Variants in SOX5 observed in about 807,000 individuals in gnomAD.
The protein encoded by SOX5 is SRY-box transcription factor 5, also known as transcription factor SOX-5.
Under a neutral mutation model 92.0 loss-of-function variants are expected in SOX5, and 9 were observed. That is an observed-to-expected ratio of 0.10 (90% confidence interval 0.06 to 0.17). The LOEUF (loss-of-function observed/expected upper bound fraction) is 0.17, where lower values mean the gene tolerates loss of function less well. Ranked by LOEUF, SOX5 falls within the 10% of genes least tolerant of loss-of-function variation. The probability of loss-of-function intolerance (pLI) is 1.00; values close to 1 mark genes in which losing one functional copy is unlikely to be tolerated. For synonymous variants in SOX5, 344 were observed against 336.3 expected (o/e 1.02, Z -0.25); for missense variants, 642 against 944.5 (o/e 0.68, Z 4.20).
chr12:23,962,865 A>G (rs2140036190), intron 4 of SOX5, among the ~76,000 whole-genome samples: 1 of 152,304 alleles, frequency 6.6e-6, no homozygotes, highest in East Asian at 1.9e-4. Context: ...ATCATTAGTG[A>G]CATTATGCCA....
Position 23,802,635 on chromosome 12 carries a change from CCTTAACCTTTATAT to C in SOX5, c.481+43334_481+43347del, listed in dbSNP as rs1224103065. Among the ~76,000 whole-genome samples the C allele has an allele frequency of 6.6e-5, 10 of 152,208 alleles. No individual in the cohort carries two copies. The East Asian group carries it at 1.9e-3, about 29-fold the overall frequency. ...TTGTGACACCCTCTAAAAAAATCTA[CCTTAACCTTTATAT>C]CTCCCCAGATATGATAGATGATATC... On this transcript the variant is annotated intron_variant, in intron 3 of 14. Transcript: ENST00000451604.
intron 1 of SOX5, among the ~76,000 whole-genome samples, chr12:23,918,934 AG>A (rs200205924): frequency 0.011 from 1,632 of 150,326 alleles, 24 homozygotes; most frequent in African/African-American, 0.035. Context: ...AGAAAAAAAA[AG>A]AAAGAAAGAA....
At chr12:24,507,080 G>A (rs57717856) in intron 1 of SOX5, among the ~76,000 whole-genome samples, 1,555 of 151,980 alleles carry the variant, frequency 0.01, 27 homozygotes, top group African/African-American at 0.035. Context: ...ATCAGCCACC[G>A]CGCCCGGCCC....
chr12:24,535,320 A>G (rs1951544816), intron 1 of SOX5, among the ~76,000 whole-genome samples: 1 of 152,234 alleles, frequency 6.6e-6, no homozygotes, highest in African/African-American at 2.4e-5. Flanking sequence ...GATGAAAAAC[A>G]ACCCTTCATA....
chr12:24,380,588 T>G (rs1357980277), intron 1 of SOX5, among the ~76,000 whole-genome samples: 1 of 152,194 alleles, frequency 6.6e-6, no homozygotes, highest in African/African-American at 2.4e-5. Flanking sequence ...AAAACAAGGA[T>G]TTTCAACCCA....
At chr12:24,164,433 A>C in intron 4 of SOX5, among the ~76,000 whole-genome samples, 1 of 152,072 alleles carries the variant, frequency 6.6e-6, no homozygotes, top group South Asian at 2.1e-4. Flanking sequence ...CTTTTGAAAC[A>C]AAAATAATCA....
At chr12:24,013,346 G>C (rs767302374) in intron 4 of SOX5, among the ~76,000 whole-genome samples, 1 of 152,056 alleles carries the variant, frequency 6.6e-6, no homozygotes, top group African/African-American at 2.4e-5. Flanking sequence ...ATAAAAAAGA[G>C]GTATTGAGAA....
intron 4 of SOX5, among the ~76,000 whole-genome samples, chr12:23,745,851 A>T (rs889623972): frequency 6.6e-6 from 1 of 152,184 alleles, no homozygotes; most frequent in Non-Finnish European, 1.5e-5. Context: ...CAGGAGAGGT[A>T]GCTGCAATAG....
At chr12:24,478,336 T>C (rs1276139889) in intron 1 of SOX5, among the ~76,000 whole-genome samples, 1 of 152,222 alleles carries the variant, frequency 6.6e-6, no homozygotes, top group Admixed American at 6.5e-5. Context: ...TGTTTGTACT[T>C]TTCTCATTTT....
At position 24,214,142 on chromosome 12, in the gene SOX5, C is replaced by T. The variant is rs183626335; in HGVS notation, c.-76-725G>A. On this transcript the variant is annotated intron_variant, in intron 3 of 4. Coordinates refer to the SOX5 transcript ENST00000446891. ...AAGCACTTAGCAAAGCACGGTGCTA[C>T]ATTGTACTAGGACACTAAGTTATAG... Among the ~76,000 whole-genome samples the T allele has an allele frequency of 3.3e-3, 507 of 152,066 alleles. 2 individuals carry two copies. The highest frequency in any genetic ancestry group is 6.1e-3 in the Non-Finnish European group (414 of 67,936).
At chr12:24,439,316 A>G (rs1171760855) in intron 1 of SOX5, among the ~76,000 whole-genome samples, 1 of 152,228 alleles carries the variant, frequency 6.6e-6, no homozygotes, top group East Asian at 1.9e-4. Context: ...CATCTGTGTG[A>G]CCTGATTGAT....
chr12:24,068,735 TATATATATATATACAC>T (rs1278759724), intron 4 of SOX5, among the ~76,000 whole-genome samples: 29 of 89,416 alleles, frequency 3.2e-4, no homozygotes, highest in African/African-American at 9.4e-4. Context: ...TATATATATA[TATATATATATATACAC>T]ACACACACAT....
At chr12:23,744,945 C>A (rs557077556) in intron 4 of SOX5, among the ~76,000 whole-genome samples, 9 of 152,144 alleles carry the variant, frequency 5.9e-5, no homozygotes, top group Non-Finnish European at 8.8e-5. Flanking sequence ...GTGTTCACAT[C>A]GTCTCGGTCT....
chr12:24,380,747 AG>A (rs1186631537), intron 1 of SOX5, among the ~76,000 whole-genome samples: 1 of 152,162 alleles, frequency 6.6e-6, no homozygotes. Flanking sequence ...TTTTTAAAGG[AG>A]GGCACAATGC....
intron 4 of SOX5, among the ~76,000 whole-genome samples, chr12:23,992,277 T>C (rs534931168): frequency 6.6e-6 from 1 of 152,242 alleles, no homozygotes; most frequent in East Asian, 1.9e-4. Flanking sequence ...TTTTTCTCCT[T>C]ATTTTCCTCA....
At chr12:24,153,977 G>A (rs948972154) in intron 4 of SOX5, among the ~76,000 whole-genome samples, 3 of 151,976 alleles carry the variant, frequency 2.0e-5, no homozygotes, top group Admixed American at 6.6e-5. Flanking sequence ...AAGTAAATTC[G>A]GAGCTTGAGA....
intron 1 of SOX5, among the ~76,000 whole-genome samples, chr12:24,530,076 A>T (rs913487313): frequency 6.6e-6 from 1 of 151,954 alleles, no homozygotes; most frequent in African/African-American, 2.4e-5. Context: ...AAGGTACCCA[A>T]CATATGAACA....
intron 3 of SOX5, among the ~76,000 whole-genome samples, chr12:23,775,923 T>C (rs2095083735): frequency 1.3e-5 from 2 of 152,168 alleles, no homozygotes; most frequent in South Asian, 4.1e-4. Flanking sequence ...ACCAGTTTCA[T>C]GCAAGGCAGT....
At chr12:24,082,608 A>C (rs1183791802) in intron 4 of SOX5, among the ~76,000 whole-genome samples, 1 of 151,748 alleles carries the variant, frequency 6.6e-6, no homozygotes, top group East Asian at 1.9e-4. Flanking sequence ...GAAATACCAT[A>C]TAAAATGGAA....
Sources: gnomAD v4.1 joint callset for allele counts (sites outside exome capture counted in the v4.1 genomes callset) on GRCh38, gnomAD v4.1.1 for gene constraint, MANE v1.5 for transcripts, NCBI Gene and HGNC (gene_info 2026-07-23, HGNC 2026-07-21) for gene names.